The following ADARB2 variants were observed in gnomAD, a reference collection of about 807,000 sequenced individuals.
ADARB2 encodes the protein adenosine deaminase RNA specific B2 (inactive), also known as inactive double-stranded RNA-specific editase B2.
Under a neutral mutation model 62.2 loss-of-function variants are expected in ADARB2, and 25 were observed. That is an observed-to-expected ratio of 0.40 (90% CI 0.29 to 0.56). The LOEUF is 0.56. Ranked by LOEUF, ADARB2 falls within the 20% of genes least tolerant of loss-of-function variation. The probability of loss-of-function intolerance (pLI) is 0.43; values close to 1 mark genes in which losing one functional copy is unlikely to be tolerated. For missense variants in ADARB2, 1,071 were observed against 1,077.4 expected (o/e 0.99, Z 0.08); for synonymous variants, 572 against 500.8 (o/e 1.14, Z -1.90).
chr10:1,695,694 G>A (rs576472171), intron 1 of ADARB2, among the ~76,000 whole-genome samples: 3 of 152,312 alleles, frequency 2.0e-5, no homozygotes, highest in South Asian at 4.1e-4. Flanking sequence ...ACATGAATGT[G>A]TGTGCATGTA....
chr10:1,385,305 T>C (rs576169759), intron 1 of ADARB2, among the ~76,000 whole-genome samples: 89 of 152,140 alleles, frequency 5.8e-4, no homozygotes, highest in Non-Finnish European at 1.2e-3. Context: ...GAAAAAAATA[T>C]AGTCGAAGTA....
intron 1 of ADARB2, among the ~76,000 whole-genome samples, chr10:1,662,216 A>G (rs555097761): frequency 3.3e-5 from 5 of 152,316 alleles, no homozygotes; most frequent in African/African-American, 1.2e-4. Context: ...TTCTCCCACT[A>G]AAATCAGAGA....
At chr10:1,636,135 C>T (rs1469405323) in intron 1 of ADARB2, among the ~76,000 whole-genome samples, 5 of 152,058 alleles carry the variant, frequency 3.3e-5, no homozygotes, top group Non-Finnish European at 5.9e-5. Context: ...TGAGAAATAG[C>T]TCAACGGAGC....
intron 1 of ADARB2, among the ~76,000 whole-genome samples, chr10:1,678,629 C>T (rs539884846): frequency 9.2e-5 from 14 of 152,056 alleles, no homozygotes; most frequent in Non-Finnish European, 1.3e-4. Flanking sequence ...GTCCCTTTTA[C>T]GGGTCTGGTA....
At chr10:1,722,977 ACACT>A (rs1323429770) in intron 1 of ADARB2, among the ~76,000 whole-genome samples, 1 of 152,196 alleles carries the variant, frequency 6.6e-6, no homozygotes, top group Non-Finnish European at 1.5e-5. Flanking sequence ...GTGCACATAC[ACACT>A]AAGGTGTCCT....
chr10:1,443,259 T>C (rs1019961616), intron 1 of ADARB2, among the ~76,000 whole-genome samples: 3 of 152,172 alleles, frequency 2.0e-5, no homozygotes, highest in Admixed American at 2.0e-4. Flanking sequence ...TTTTGCCCCA[T>C]TTCATGTGGG....
chr10:1,673,705 T>A (rs1446909711), intron 1 of ADARB2, among the ~76,000 whole-genome samples: 1 of 152,184 alleles, frequency 6.6e-6, no homozygotes, highest in Non-Finnish European at 1.5e-5. Flanking sequence ...CAATGGAGTC[T>A]GCTGCATGGA....
chr10:1,196,344 C>A (rs1425029015), intron 8 of ADARB2, among the ~76,000 whole-genome samples: 1 of 151,046 alleles, frequency 6.6e-6, no homozygotes. Flanking sequence ...GTGCCCGGCA[C>A]TTTGTAAATC....
chr10:1,511,580 T>A (rs566663975), intron 1 of ADARB2, among the ~76,000 whole-genome samples: 2 of 152,238 alleles, frequency 1.3e-5, no homozygotes, highest in African/African-American at 4.8e-5. Flanking sequence ...GAGGAAGGAT[T>A]GGCTGAGCAC....
At chr10:1,561,496 G>A (rs1832785992) in intron 1 of ADARB2, among the ~76,000 whole-genome samples, 1 of 152,188 alleles carries the variant, frequency 6.6e-6, no homozygotes, top group Admixed American at 6.5e-5. Context: ...GATTTAACAA[G>A]ACAAAACAAA....
At chr10:1,571,609 C>T (rs1355589041) in intron 1 of ADARB2, among the ~76,000 whole-genome samples, 2 of 152,150 alleles carry the variant, frequency 1.3e-5, no homozygotes, top group East Asian at 3.8e-4. Context: ...CATTTAGTTG[C>T]AGAGGTGAGA....
intron 1 of ADARB2, among the ~76,000 whole-genome samples, chr10:1,668,222 T>G (rs745924326): frequency 6.6e-6 from 1 of 152,196 alleles, no homozygotes; most frequent in Non-Finnish European, 1.5e-5. Context: ...GTTGCAATAG[T>G]TTTGAGTGAA....
At chr10:1,346,050 G>C (rs73576615) in intron 3 of ADARB2, among the ~76,000 whole-genome samples, 1 of 145,310 alleles carries the variant, frequency 6.9e-6, no homozygotes, top group South Asian at 2.2e-4. Flanking sequence ...AAAATGCCCT[G>C]TATTTTTTTA....
At chr10:1,524,431 ATCT>A (rs1366634349) in intron 1 of ADARB2, among the ~76,000 whole-genome samples, 4 of 152,296 alleles carry the variant, frequency 2.6e-5, no homozygotes, top group African/African-American at 9.6e-5. Context: ...CATGTTTGTG[ATCT>A]TCTGGGCAAT....
chr10:1,713,820 T>C (rs1392390006), intron 1 of ADARB2, among the ~76,000 whole-genome samples: 1 of 152,176 alleles, frequency 6.6e-6, no homozygotes, highest in Non-Finnish European at 1.5e-5. Flanking sequence ...CCTCACTTCC[T>C]TGAGGACACA....
At position 1,255,530 on chromosome 10, in the gene ADARB2, C is replaced by T. The variant is rs539491004; in HGVS notation, c.1193-13231G>A. On this transcript the variant is annotated intron_variant, in intron 4 of 9. Transcript: ENST00000381312. This position sits in a 1 kb window ranked among gnomAD's most constrained non-coding sequence, Gnocchi z 4.7. The stretch of plus-strand genomic sequence containing the variant: ...TGTGATGGCCTCGGGCACTGTGGCC[C>T]CCACTACAACCCAAAGAGGGTCAGG... Among the ~76,000 whole-genome samples, 27 of 152,340 alleles carry T rather than the reference C, an allele frequency of 1.8e-4. 1 individual carries two copies. The highest frequency in any genetic ancestry group is 6.5e-4 in the African/African-American group (27 of 41,584).
At chr10:1,468,682 C>T (rs2131914959) in intron 1 of ADARB2, among the ~76,000 whole-genome samples, 1 of 152,324 alleles carries the variant, frequency 6.6e-6, no homozygotes, top group South Asian at 2.1e-4. Context: ...CGCTGTCCAA[C>T]CCATTCTGGT....
chr10:1,224,095 T>C (rs138122149), intron 6 of ADARB2, among the ~76,000 whole-genome samples: 9 of 152,328 alleles, frequency 5.9e-5, no homozygotes, highest in African/African-American at 1.9e-4. Flanking sequence ...ATTGCCTCAA[T>C]TTCAGAGCCT....
chr10:1,274,298 G>A (rs184268325), intron 3 of ADARB2, among the ~76,000 whole-genome samples: 371 of 152,356 alleles, frequency 2.4e-3, no homozygotes, highest in Middle Eastern at 6.8e-3. Context: ...GTTCACTGTC[G>A]TTGCCAGCTC....
Sources: gnomAD v4.1 joint callset for allele counts (sites outside exome capture counted in the v4.1 genomes callset) on GRCh38, gnomAD v4.1.1 for gene constraint, Gnocchi (gnomAD v3.1) non-coding constraint, MANE v1.5 for transcripts, NCBI Gene and HGNC (gene_info 2026-07-23, HGNC 2026-07-21) for gene names.